The following IGF1R variants were observed in gnomAD, a reference collection of about 807,000 sequenced individuals.
IGF1R encodes the protein insulin like growth factor 1 receptor, also known as insulin-like growth factor 1 receptor.
A neutral mutation model predicts 144.6 loss-of-function variants in IGF1R; 44 were observed. The ratio of observed to expected loss-of-function variants is 0.30; its 90% CI spans 0.24 to 0.39. The LOEUF (loss-of-function observed/expected upper bound fraction) is 0.39, where lower values mean the gene tolerates loss of function less well. IGF1R is among the 10% of genes least tolerant of loss of function. The pLI is 1.00. For missense variants in IGF1R, 1,355 were observed against 1,833.7 expected (o/e 0.74, Z 4.77); for synonymous variants, 795 against 722.8 (o/e 1.10, Z -1.60).
chr15:98,741,042 CATTTT>C (rs1041590686), intron 2 of IGF1R, among the ~76,000 whole-genome samples: 1 of 96,922 alleles, frequency 1.0e-5, no homozygotes, highest in African/African-American at 3.4e-5. Flanking sequence ...TAATGTTTAA[CATTTT>C]ATTTTTTTAA....
At chr15:98,892,428 G>T (rs1011684354) in intron 3 of IGF1R, among the ~76,000 whole-genome samples, 1 of 150,520 alleles carries the variant, frequency 6.6e-6, no homozygotes, top group Admixed American at 6.6e-5. Context: ...TAGCTACTCC[G>T]AGGCAGGAGA....
intron 2 of IGF1R, among the ~76,000 whole-genome samples, chr15:98,812,276 C>G (rs2056607354): frequency 6.6e-6 from 1 of 152,058 alleles, no homozygotes. Flanking sequence ...TAGGAAAGTT[C>G]CTTGAACTCT....
At chr15:98,831,211 ACTT>A (rs2056995529) in intron 2 of IGF1R, among the ~76,000 whole-genome samples, 1 of 152,174 alleles carries the variant, frequency 6.6e-6, no homozygotes, top group African/African-American at 2.4e-5. Flanking sequence ...ATTCCTTTCT[ACTT>A]AAATGCTTTC....
chr15:98,890,953 A>G (rs1353382828), intron 2 of IGF1R, among the ~76,000 whole-genome samples: 2 of 152,236 alleles, frequency 1.3e-5, no homozygotes, highest in Admixed American at 6.5e-5. Flanking sequence ...CTGATAAACC[A>G]TAGAGTTCCT....
At chr15:98,887,364 G>GAT (rs2013690754) in intron 2 of IGF1R, among the ~76,000 whole-genome samples, 1 of 151,838 alleles carries the variant, frequency 6.6e-6, no homozygotes, top group Non-Finnish European at 1.5e-5. Flanking sequence ...TCCCGGCATT[G>GAT]ATATTTAGGT....
intron 19 of IGF1R, among the ~76,000 whole-genome samples, chr15:98,946,030 C>CGATGAT (rs988033435): frequency 2.6e-5 from 4 of 151,676 alleles, no homozygotes; most frequent in Admixed American, 2.6e-4. Context: ...ATGACGATGA[C>CGATGAT]GACGATGACA....
intron 2 of IGF1R, among the ~76,000 whole-genome samples, chr15:98,851,747 A>G (rs950089677): frequency 9.2e-5 from 14 of 152,192 alleles, no homozygotes; most frequent in African/African-American, 2.9e-4. Context: ...GGACTTAGCA[A>G]TGTCAGATGA....
chr15:98,871,115 A>G (rs1209437693), intron 2 of IGF1R, among the ~76,000 whole-genome samples: 1 of 152,254 alleles, frequency 6.6e-6, no homozygotes, highest in African/African-American at 2.4e-5. Context: ...TCAGATATCC[A>G]GCCCACTGAT....
intron 2 of IGF1R, among the ~76,000 whole-genome samples, chr15:98,810,564 T>G (rs1479135524): frequency 4.6e-5 from 7 of 151,270 alleles, no homozygotes; most frequent in Middle Eastern, 3.4e-3. Flanking sequence ...CTTTTTTTTT[T>G]TTTTTTGAGA....
At chr15:98,910,505 G>A (rs1018635449) in intron 6 of IGF1R, among the ~76,000 whole-genome samples, 1 of 152,190 alleles carries the variant, frequency 6.6e-6, no homozygotes, top group African/African-American at 2.4e-5. Flanking sequence ...GTGTGTAGTG[G>A]GATTCAGGCA....
At chr15:98,811,847 G>A (rs1189931880) in intron 2 of IGF1R, among the ~76,000 whole-genome samples, 7 of 151,742 alleles carry the variant, frequency 4.6e-5, no homozygotes, top group East Asian at 2.0e-4. Flanking sequence ...AATGGCATGA[G>A]CCCGGGAGGC....
Position 98,768,836 on chromosome 15 carries a change from G to T in IGF1R, c.640+60729G>T, listed in dbSNP as rs2055507840. Among the ~76,000 whole-genome samples, 5 of 151,572 alleles carry T rather than the reference G, an allele frequency of 3.3e-5. No individual in the cohort carries two copies. The South Asian group carries it at 1.0e-3, about 32-fold the overall frequency. On this transcript the variant is annotated intron_variant, in intron 2 of 20. Transcript: ENST00000650285. ...CCAGCTACTCGGGAGGCTGAGGCAG[G>T]AGAATGGCGTGAGCCCAGGAGGCGG...
At position 98,959,489 on chromosome 15, in the gene IGF1R, G is replaced by C. The variant is rs1319789280; in HGVS notation, c.*2047G>C. The C allele has an allele frequency of 8.6e-6, 2 of 233,594 alleles. No individual in the cohort carries two copies. Among genetic ancestry groups the C allele is most frequent in the Non-Finnish European group, 8.5e-6 (1 of 118,120 alleles). 14.5% of individuals were successfully genotyped at this position (233,594 alleles called of 1,614,324 possible). The stretch of plus-strand genomic sequence containing the variant: ...GGCTGGCCCAGGGCGGCACCCTCAG[G>C]GCTGTGCCCGCTGGAGTGCTAGGTG... On this transcript the variant is annotated 3_prime_UTR_variant, in exon 21 of 21. Coordinates refer to ENST00000650285, the MANE Select transcript of IGF1R (RefSeq NM_000875.5).
At chr15:98,850,291 A>AG (rs2011483455) in intron 2 of IGF1R, among the ~76,000 whole-genome samples, 1 of 152,238 alleles carries the variant, frequency 6.6e-6, no homozygotes, top group Admixed American at 6.5e-5. Context: ...AAGGTTGAGA[A>AG]GGAGCCAGCC....
At chr15:98,650,864 T>C in intron 1 of IGF1R, 6 of 976,694 alleles carry the variant, frequency 6.1e-6, no homozygotes, top group Non-Finnish European at 7.3e-6. Context: ...TGATAGCTTT[T>C]GTTTTGGTGG....
At chr15:98,739,221 A>G (rs183594428) in intron 2 of IGF1R, among the ~76,000 whole-genome samples, 1 of 152,244 alleles carries the variant, frequency 6.6e-6, no homozygotes, top group Non-Finnish European at 1.5e-5. Context: ...GTGGTGGCTG[A>G]TCCTGACCGT....
intron 2 of IGF1R, among the ~76,000 whole-genome samples, chr15:98,758,601 T>A (rs1470911925): frequency 1.3e-5 from 2 of 152,208 alleles, no homozygotes; most frequent in African/African-American, 2.4e-5. Context: ...CCCTCTGGTT[T>A]CACCTGGGAC....
chr15:98,921,086 C>T (rs540274225), intron 10 of IGF1R, among the ~76,000 whole-genome samples: 3 of 152,326 alleles, frequency 2.0e-5, no homozygotes, highest in South Asian at 2.1e-4. Context: ...AGAATTCATC[C>T]CATTTGCCCC....
intron 2 of IGF1R, among the ~76,000 whole-genome samples, chr15:98,874,368 G>A (rs905958654): frequency 5.3e-5 from 8 of 152,270 alleles, no homozygotes; most frequent in African/African-American, 1.9e-4. Flanking sequence ...AGTGCAGTTG[G>A]GAGAAAAACG....
Sources: gnomAD v4.1 joint callset for allele counts (sites outside exome capture counted in the v4.1 genomes callset) on GRCh38, gnomAD v4.1.1 for gene constraint, MANE v1.5 for transcripts, NCBI Gene and HGNC (gene_info 2026-07-23, HGNC 2026-07-21) for gene names.